TTBK2: variants seen among roughly 807,000 people sequenced by gnomAD.
TTBK2 encodes the protein tau-tubulin kinase 2.
Under a neutral mutation model 110.8 loss-of-function variants are expected in TTBK2, and 28 were observed. The ratio of observed to expected loss-of-function variants is 0.25; its 90% CI spans 0.19 to 0.35. The LOEUF (loss-of-function observed/expected upper bound fraction) is 0.35. Ranked by LOEUF, TTBK2 falls within the 10% of genes least tolerant of loss-of-function variation. The probability of loss-of-function intolerance (pLI) is 1.00; values close to 1 mark genes in which losing one functional copy is unlikely to be tolerated. For missense variants in TTBK2, 1,369 were observed against 1,500.3 expected (o/e 0.91, Z 1.45); for synonymous variants, 532 against 527.3 (o/e 1.01, Z -0.12).
At chr15:42,804,008 CAAA>C (rs781131720) in intron 9 of TTBK2, among the ~76,000 whole-genome samples, 3 of 51,052 alleles carry the variant, frequency 5.9e-5, no homozygotes, top group Non-Finnish European at 9.5e-5. Context: ...GCGAGGAGTG[CAAA>C]AAAAAAAAAA....
intron 3 of TTBK2, chr15:42,871,486 T>C: frequency 1.0e-6 from 1 of 985,340 alleles, no homozygotes; most frequent in Non-Finnish European, 1.2e-6. Flanking sequence ...AAAGGTGAAG[T>C]GGCACTATCC....
In TTBK2 at chr15:42,744,138, TTGAAAC is replaced by T. The variant is rs1300425850; in HGVS notation, c.*1651_*1656del. On this transcript the variant is annotated 3_prime_UTR_variant, in exon 15 of 15. Transcript: ENST00000267890. The stretch of plus-strand genomic sequence containing the variant: ...TATCTATTGCATTCCTCTGGAGTGT[TTGAAAC>T]TGGAGAGAAATTAAGATTCCACACT... 1 of 152,174 alleles carries T rather than the reference TTGAAAC, an allele frequency of 6.6e-6. No homozygotes were observed. Among genetic ancestry groups the T allele is most frequent in the African/African-American group, 2.4e-5 (1 of 41,452 alleles). 9.4% of individuals were successfully genotyped at this position (152,174 alleles called of 1,614,324 possible). A position where few individuals can be genotyped will look rare whatever the true frequency, so the allele number is the denominator to read the frequency against.
rs141126596 is a variant in TTBK2, at chr15:42,892,612, G to A, written c.-67-13928C>T. Reference sequence around the variant, plus strand: ...TCCCAGCTACTCAGAAGGCTGAGGTGGGAGGATCTCTTGAGCCAGGAAGTT... The same window carrying A: ...TCCCAGCTACTCAGAAGGCTGAGGTAGGAGGATCTCTTGAGCCAGGAAGTT... On this transcript the variant is annotated intron_variant, in intron 1 of 14. Transcript: ENST00000267890. 1.3e-4 allele frequency among the ~76,000 whole-genome samples: 20 copies of A among 150,988 alleles called. No homozygotes were observed. In the East Asian group the frequency reaches 3.9e-3, roughly 30 times the overall value.
At chr15:42,771,147 G>A (rs1889653290) in intron 13 of TTBK2, among the ~76,000 whole-genome samples, 1 of 151,726 alleles carries the variant, frequency 6.6e-6, no homozygotes, top group Admixed American at 6.6e-5. Context: ...CTAGTTTTTT[G>A]TATTTTTAGT....
At chr15:42,848,150 C>A (rs1893545424) in intron 3 of TTBK2, among the ~76,000 whole-genome samples, 1 of 152,066 alleles carries the variant, frequency 6.6e-6, no homozygotes, top group African/African-American at 2.4e-5. Flanking sequence ...TAATAACATG[C>A]CTCACAAAGA....
At chr15:42,857,131 G>T (rs1893976820) in intron 3 of TTBK2, among the ~76,000 whole-genome samples, 1 of 151,944 alleles carries the variant, frequency 6.6e-6, no homozygotes, top group Non-Finnish European at 1.5e-5. Flanking sequence ...AATGCAAGAT[G>T]TTAATAATAG....
chr15:42,763,176 A>ATATATG (rs1889152924), intron 13 of TTBK2, among the ~76,000 whole-genome samples: 1 of 16,466 alleles, frequency 6.1e-5, no homozygotes, highest in Non-Finnish European at 1.1e-4. Context: ...ATATATATAT[A>ATATATG]TATATATATA....
rs890164117 is a variant in TTBK2 at position 42,843,221 on chromosome 15, T to C, written c.218-2788A>G. On this transcript the variant is annotated intron_variant, in intron 3 of 14. Transcript: ENST00000267890. The stretch of plus-strand genomic sequence containing the variant: ...ATCCCTACACACAGGCCAAGCTGGC[T>C]ATGGGAGGAATTTAGTTTACAGTTT... 2.0e-5 allele frequency among the ~76,000 whole-genome samples: 3 copies of C among 152,284 alleles called. No homozygotes were observed. The East Asian group carries it at 5.8e-4, about 29-fold the overall frequency.
chr15:42,764,959 G>A (rs528318726), intron 13 of TTBK2, among the ~76,000 whole-genome samples: 1 of 152,322 alleles, frequency 6.6e-6, no homozygotes, highest in African/African-American at 2.4e-5. Flanking sequence ...TTGCTGTTCT[G>A]CAGCCTCTGC....
chr15:42,807,357 T>G (rs16957178), intron 9 of TTBK2, among the ~76,000 whole-genome samples: 6,228 of 152,150 alleles, frequency 0.041, 368 homozygotes, highest in East Asian at 0.13. Context: ...CTTAACAAAT[T>G]TGAACACTCT....
At chr15:42,849,835 A>G (rs1824880826) in intron 3 of TTBK2, among the ~76,000 whole-genome samples, 1 of 152,134 alleles carries the variant, frequency 6.6e-6, no homozygotes, top group South Asian at 2.1e-4. Context: ...CACAGATTGG[A>G]GGTCAGCTCA....
At chr15:42,851,871 A>G (rs1893729588) in intron 3 of TTBK2, among the ~76,000 whole-genome samples, 1 of 152,092 alleles carries the variant, frequency 6.6e-6, no homozygotes. Context: ...CAAGTTTCTT[A>G]TTGTGACCAT....
intron 12 of TTBK2, among the ~76,000 whole-genome samples, chr15:42,776,569 C>A (rs1889933372): frequency 6.6e-6 from 1 of 152,236 alleles, no homozygotes; most frequent in Non-Finnish European, 1.5e-5. Flanking sequence ...CAGTATCTTA[C>A]TCCTAGAGGG....
In TTBK2 at chr15:42,738,987, AT is replaced by A. The variant is rs1188718860; in HGVS notation, c.*6807del. On this transcript the variant is annotated 3_prime_UTR_variant, in exon 15 of 15. Transcript: ENST00000267890. ...AACAGAACTAGATTTTGCATGCGGA[AT>A]GAATATTTTATTACTAGGTTATAAA... is the stretch of plus-strand genomic sequence containing the variant. The A allele has an allele frequency of 5.2e-5, 8 of 152,382 alleles. No homozygotes were observed. In the East Asian group the frequency reaches 1.5e-3, roughly 29 times the overall value. The allele number at this position is 152,382 out of a possible 1,614,324, so 9.4% of individuals were successfully genotyped here.
At chr15:42,768,501 C>T (rs1460617772) in intron 13 of TTBK2, among the ~76,000 whole-genome samples, 1 of 152,146 alleles carries the variant, frequency 6.6e-6, no homozygotes, top group African/African-American at 2.4e-5. Flanking sequence ...AGTGAACTCC[C>T]ATTCACAACT....
chr15:42,767,538 T>C (rs2140707406), intron 13 of TTBK2, among the ~76,000 whole-genome samples: 1 of 152,224 alleles, frequency 6.6e-6, no homozygotes, highest in South Asian at 2.1e-4. Flanking sequence ...CCAGGACACA[T>C]ACACCCTCCC....
At chr15:42,888,299 A>G (rs1895321962) in intron 1 of TTBK2, among the ~76,000 whole-genome samples, 1 of 151,706 alleles carries the variant, frequency 6.6e-6, no homozygotes, top group Non-Finnish European at 1.5e-5. Flanking sequence ...GTCTCCCACA[A>G]TTACCATTAT....
chr15:42,758,905 C>T (rs1473196620), intron 13 of TTBK2, among the ~76,000 whole-genome samples: 1 of 152,204 alleles, frequency 6.6e-6, no homozygotes, highest in Non-Finnish European at 1.5e-5. Flanking sequence ...TAAAAATTCA[C>T]ACAGCTGCTT....
At chr15:42,856,980 G>T (rs1162923755) in intron 3 of TTBK2, among the ~76,000 whole-genome samples, 1 of 151,638 alleles carries the variant, frequency 6.6e-6, no homozygotes, top group East Asian at 1.9e-4. Flanking sequence ...AGAATCTCTT[G>T]AACCTTGGAG....
Sources: allele counts gnomAD v4.1 joint callset (sites outside exome capture counted in the v4.1 genomes callset), GRCh38; gene constraint gnomAD v4.1.1; transcripts MANE v1.5; gene names NCBI Gene and HGNC (gene_info 2026-07-23, HGNC 2026-07-21).